The following RIMS2 variants were observed in gnomAD, a reference collection of about 807,000 sequenced individuals.
The protein encoded by RIMS2 is regulating synaptic membrane exocytosis protein 2.
In RIMS2, 59 loss-of-function variants were observed where a neutral mutation model predicts 174.4. The ratio of observed to expected loss-of-function variants is 0.34; its 90% CI spans 0.27 to 0.42. The LOEUF is 0.42. Among genes scored for constraint, RIMS2 ranks in the 10% least tolerant of loss-of-function variants. The pLI is 1.00. For synonymous variants in RIMS2, 606 were observed against 572.5 expected, an observed-to-expected ratio of 1.06 and a Z score of -0.84; for missense variants, 1,620 against 1,666.3, an observed-to-expected ratio of 0.97 and a Z score of 0.48.
chr8:103,517,758 A>G (rs1402153241), intron 1 of RIMS2, among the ~76,000 whole-genome samples: 1 of 151,962 alleles, frequency 6.6e-6, no homozygotes, highest in Non-Finnish European at 1.5e-5. Flanking sequence ...TGGTAACTGC[A>G]TTTTGCAGGG....
chr8:103,816,205 G>T (rs1300650530), intron 3 of RIMS2, among the ~76,000 whole-genome samples: 1 of 152,076 alleles, frequency 6.6e-6, no homozygotes, highest in Non-Finnish European at 1.5e-5. Flanking sequence ...TTGTATTTAT[G>T]ACCCTTATAG....
At chr8:104,229,743 A>G (rs1204133384) in intron 19 of RIMS2, among the ~76,000 whole-genome samples, 3 of 152,074 alleles carry the variant, frequency 2.0e-5, no homozygotes, top group Non-Finnish European at 2.9e-5. Flanking sequence ...CCCACACTGC[A>G]TATTTCTGTC....
At chr8:104,157,994 T>C (rs1430090433) in intron 19 of RIMS2, among the ~76,000 whole-genome samples, 1 of 152,218 alleles carries the variant, frequency 6.6e-6, no homozygotes, top group Admixed American at 6.5e-5. Context: ...ACATGTGCCA[T>C]GTTGGTTTGC....
At chr8:103,801,999 T>C (rs1259586369) in intron 3 of RIMS2, among the ~76,000 whole-genome samples, 2 of 152,222 alleles carry the variant, frequency 1.3e-5, no homozygotes, top group Non-Finnish European at 2.9e-5. Flanking sequence ...TATTTTGGTA[T>C]TGATAATTGT....
chr8:103,584,378 A>C (rs1389337853), intron 1 of RIMS2, among the ~76,000 whole-genome samples: 5 of 152,170 alleles, frequency 3.3e-5, no homozygotes, highest in Non-Finnish European at 7.4e-5. Flanking sequence ...ATTAATGAGC[A>C]ATAAATAATC....
chr8:103,527,517 T>C (rs78297596), intron 1 of RIMS2, among the ~76,000 whole-genome samples: 7,306 of 152,142 alleles, frequency 0.048, 583 homozygotes, highest in African/African-American at 0.17. Flanking sequence ...ATTAGGTATA[T>C]CTCCTAATGC....
chr8:103,748,440 C>T (rs935446936), intron 2 of RIMS2, among the ~76,000 whole-genome samples: 11 of 151,946 alleles, frequency 7.2e-5, no homozygotes, highest in South Asian at 2.1e-4. Flanking sequence ...AGAATGAGAC[C>T]GTCTCAAATA....
chr8:104,159,202 T>A (rs868154051), intron 19 of RIMS2, among the ~76,000 whole-genome samples: 25 of 152,124 alleles, frequency 1.6e-4, no homozygotes, highest in African/African-American at 6.0e-4. Context: ...GATGAGATGG[T>A]TGTAGATGTG....
In RIMS2 at chr8:104,137,064, A is replaced by G. The variant is rs73299445; in HGVS notation, c.3335-107852A>G. 3.0e-3 allele frequency among the ~76,000 whole-genome samples: 452 copies of G among 152,330 alleles called. 1 individual carries two copies. Among genetic ancestry groups the G allele is most frequent in the African/African-American group, 1.0e-2 (414 of 41,582 alleles). On this transcript the variant is annotated intron_variant, in intron 19 of 23. Transcript: ENST00000504942. ...CATTATTATCAGTCATCTACATGCCAGGATTATTTTATGAATGGTTTTTAT... is the reference window on the plus strand; with the variant it reads ...CATTATTATCAGTCATCTACATGCCGGGATTATTTTATGAATGGTTTTTAT...
chr8:103,910,541 G>A lies in RIMS2; in HGVS notation c.1692+340G>A, dbSNP rs1162786093. The stretch of plus-strand genomic sequence containing the variant: ...GCCATAGTGATAAGGTACTGAGATT[G>A]TGGAGCCTGCCTTTTAACCTGCTCA... On this transcript the variant is annotated intron_variant, in intron 5 of 23. Transcript: ENST00000504942. The A allele has an allele frequency of 6.5e-7, 1 of 1,534,704 alleles. No homozygotes were observed. Among genetic ancestry groups the A allele is most frequent in the Non-Finnish European group, 8.9e-7 (1 of 1,123,000 alleles).
chr8:103,908,392 T>C (rs186773417), intron 4 of RIMS2, among the ~76,000 whole-genome samples: 34 of 152,306 alleles, frequency 2.2e-4, no homozygotes, highest in African/African-American at 7.2e-4. Flanking sequence ...ATATGTCCAC[T>C]AGGTTCAAAT....
chr8:103,975,655 G>A (rs923421272), intron 16 of RIMS2, 149 bp downstream of exon 18: 2 of 545,678 alleles, frequency 3.7e-6, no homozygotes, highest in African/African-American at 3.8e-5. Flanking sequence ...TCCCACCATA[G>A]AATTTCTGCA....
chr8:104,179,666 A>G (rs2098928676), intron 19 of RIMS2, among the ~76,000 whole-genome samples: 1 of 151,934 alleles, frequency 6.6e-6, no homozygotes, highest in African/African-American at 2.4e-5. Context: ...ATTATTTTCA[A>G]ATTGTAAATC....
At chr8:103,612,715 A>T (rs1589025418) in intron 1 of RIMS2, among the ~76,000 whole-genome samples, 1 of 152,086 alleles carries the variant, frequency 6.6e-6, no homozygotes, top group Admixed American at 6.5e-5. Flanking sequence ...AGTGGCTGGG[A>T]TTACAGGTGC....
At chr8:103,761,967 A>G (rs997933957) in intron 2 of RIMS2, among the ~76,000 whole-genome samples, 60 of 151,174 alleles carry the variant, frequency 4.0e-4, no homozygotes, top group African/African-American at 1.4e-3. Flanking sequence ...AGAAAATCAT[A>G]GTATTTTGCA....
intron 16 of RIMS2, among the ~76,000 whole-genome samples, chr8:103,981,897 A>G (rs964918556): frequency 6.6e-6 from 1 of 152,182 alleles, no homozygotes; most frequent in Non-Finnish European, 1.5e-5. Flanking sequence ...AAACAGACTC[A>G]AAAGAGCAAA....
chr8:103,978,009 G>C (rs1363197875), intron 16 of RIMS2, among the ~76,000 whole-genome samples: 1 of 152,144 alleles, frequency 6.6e-6, no homozygotes, highest in Non-Finnish European at 1.5e-5. Context: ...TGGTCCCTCT[G>C]TAGCTCTGTA....
chr8:104,214,839 G>A (rs925431398), intron 19 of RIMS2, among the ~76,000 whole-genome samples: 1 of 152,180 alleles, frequency 6.6e-6, no homozygotes, highest in African/African-American at 2.4e-5. Context: ...AGCCTTAACT[G>A]TTTACCAAAT....
At chr8:103,729,031 GT>G (rs2097560386) in intron 2 of RIMS2, among the ~76,000 whole-genome samples, 1 of 151,850 alleles carries the variant, frequency 6.6e-6, no homozygotes, top group East Asian at 1.9e-4. Context: ...TTGGCCTTTA[GT>G]TTTTTTGTTT....
Sources: gnomAD v4.1 joint callset for allele counts (sites outside exome capture counted in the v4.1 genomes callset) on GRCh38, gnomAD v4.1.1 for gene constraint, MANE v1.5 for transcripts, NCBI Gene and HGNC (gene_info 2026-07-23, HGNC 2026-07-21) for gene names.